CCDC171: variants seen among roughly 807,000 people sequenced by gnomAD.
CCDC171 encodes coiled-coil domain-containing protein 171.
In CCDC171, 177 loss-of-function variants were observed where a neutral mutation model predicts 168.2. The ratio of observed to expected loss-of-function variants is 1.05; its 90% CI spans 0.93 to 1.19. The LOEUF is 1.19. CCDC171 is among the 50% of genes most tolerant of loss of function. The pLI is 0.00. For missense variants in CCDC171, 1,991 were observed against 1,539.0 expected (o/e 1.29, Z -4.91); for synonymous variants, 687 against 540.8 (o/e 1.27, Z -3.75).
At chr9:15,563,922 A>G in intron 1 of CCDC171, 56 bp from the exon 2 acceptor site, 2 of 579,472 alleles carry the variant, frequency 3.5e-6, no homozygotes, top group Non-Finnish European at 6.1e-6. Flanking sequence ...AAACAAGAAA[A>G]ATCTCCAATA....
At chr9:15,837,728 C>A (rs1392708309) in intron 21 of CCDC171, among the ~76,000 whole-genome samples, 3 of 152,162 alleles carry the variant, frequency 2.0e-5, no homozygotes, top group Non-Finnish European at 4.4e-5. Flanking sequence ...GCTTCACTCT[C>A]TTTTTCTTTA....
chr9:15,561,290 G>A (rs1245275401), intron 1 of CCDC171, among the ~76,000 whole-genome samples: 5 of 152,152 alleles, frequency 3.3e-5, no homozygotes, highest in Non-Finnish European at 7.4e-5. Flanking sequence ...GATGACAGCA[G>A]GGAATGACTT....
chr9:15,755,760 G>C (rs1227635707), intron 18 of CCDC171, among the ~76,000 whole-genome samples: 1 of 152,188 alleles, frequency 6.6e-6, no homozygotes, highest in East Asian at 1.9e-4. Flanking sequence ...TCTAGAGATA[G>C]AAAGTAGATT....
intron 25 of CCDC171, among the ~76,000 whole-genome samples, chr9:15,955,361 T>C (rs1242411123): frequency 6.6e-6 from 1 of 152,034 alleles, no homozygotes; most frequent in African/African-American, 2.4e-5. Flanking sequence ...GAGGGGGAGT[T>C]GCAATGTGGG....
chr9:15,920,804 CAT>C (rs1336884009), intron 25 of CCDC171, among the ~76,000 whole-genome samples: 2 of 151,628 alleles, frequency 1.3e-5, no homozygotes, highest in African/African-American at 2.4e-5. Context: ...GTAATTAGAA[CAT>C]GTGATTATTC....
intron 3 of CCDC171, among the ~76,000 whole-genome samples, chr9:15,980,269 C>A (rs1191033614): frequency 6.6e-6 from 1 of 152,100 alleles, no homozygotes; most frequent in Non-Finnish European, 1.5e-5. Flanking sequence ...GAATAATCTG[C>A]CCCCGAATTC....
At chr9:15,946,752 A>G (rs1030135378) in intron 25 of CCDC171, among the ~76,000 whole-genome samples, 1 of 152,010 alleles carries the variant, frequency 6.6e-6, no homozygotes, top group African/African-American at 2.4e-5. Context: ...GAGGCATCAC[A>G]CTACCTGACT....
intron 4 of CCDC171, among the ~76,000 whole-genome samples, chr9:15,580,665 C>G (rs2041039060): frequency 6.6e-6 from 1 of 152,034 alleles, no homozygotes; most frequent in Non-Finnish European, 1.5e-5. Context: ...ACATGCAAGT[C>G]AAAAGCGCAA....
intron 21 of CCDC171, among the ~76,000 whole-genome samples, chr9:15,836,774 AG>A (rs1246727144): frequency 6.6e-6 from 1 of 152,234 alleles, no homozygotes. Context: ...TGATTTTGAC[AG>A]GACAGGGTAT....
chr9:15,767,891 A>C (rs1307067194), intron 18 of CCDC171, among the ~76,000 whole-genome samples: 4 of 56,630 alleles, frequency 7.1e-5, no homozygotes, highest in Admixed American at 2.6e-4. Flanking sequence ...TTTCTTAGCC[A>C]TTAAAAAAAT....
At chr9:15,865,310 T>A (rs1032449419) in intron 23 of CCDC171, among the ~76,000 whole-genome samples, 1 of 152,040 alleles carries the variant, frequency 6.6e-6, no homozygotes, top group Non-Finnish European at 1.5e-5. Context: ...TGTAGTAGCC[T>A]CTGGGGAAAC....
intron 21 of CCDC171, among the ~76,000 whole-genome samples, chr9:15,790,654 G>A (rs1312564424): frequency 6.6e-6 from 1 of 152,140 alleles, no homozygotes; most frequent in Non-Finnish European, 1.5e-5. Flanking sequence ...TGGTGTTTTA[G>A]ACATGAAGTC....
At chr9:15,616,731 A>T (rs572206941) in intron 6 of CCDC171, among the ~76,000 whole-genome samples, 2 of 152,338 alleles carry the variant, frequency 1.3e-5, no homozygotes, top group Admixed American at 6.5e-5. Context: ...ATAGAATAAT[A>T]GTCTTTTATA....
chr9:15,794,854 C>T (rs925910302), intron 21 of CCDC171, among the ~76,000 whole-genome samples: 2 of 152,158 alleles, frequency 1.3e-5, no homozygotes, highest in Admixed American at 1.3e-4. Flanking sequence ...TATATTGCTG[C>T]ACCCAGTTTC....
At chr9:15,596,843 C>T (rs960103188) in intron 6 of CCDC171, among the ~76,000 whole-genome samples, 6 of 151,868 alleles carry the variant, frequency 4.0e-5, no homozygotes, top group Admixed American at 1.3e-4. Flanking sequence ...TGTAGTTCTC[C>T]TTGAAGAGGT....
intron 4 of CCDC171, 101 bp from the exon 5 acceptor site, chr9:15,591,265 A>G (rs2041988673): frequency 1.5e-6 from 1 of 686,276 alleles, no homozygotes; most frequent in Non-Finnish European, 2.5e-6. Flanking sequence ...TTTTATCCTA[A>G]GATCATGCTG....
At chr9:16,084,960 C>T in the CCDC171 span, among the ~76,000 whole-genome samples, 2 of 152,208 alleles carry the variant, frequency 1.3e-5, no homozygotes, top group Non-Finnish European at 2.9e-5. Context: ...GTTTCATTTG[C>T]TATGAAATGA....
intron 3 of CCDC171, among the ~76,000 whole-genome samples, chr9:15,572,665 G>A (rs1211693144): frequency 6.6e-6 from 1 of 152,172 alleles, no homozygotes; most frequent in Admixed American, 6.5e-5. Flanking sequence ...GTCTCTCTAA[G>A]TGAAACTGGC....
chr9:15,755,956 A>C (rs1467962826), intron 18 of CCDC171, among the ~76,000 whole-genome samples: 5 of 152,214 alleles, frequency 3.3e-5, no homozygotes, highest in African/African-American at 1.2e-4. Flanking sequence ...TATGATGTTT[A>C]ATTATATCTC....
Sources: gnomAD v4.1 joint callset for allele counts (sites outside exome capture counted in the v4.1 genomes callset) on GRCh38, gnomAD v4.1.1 for gene constraint, MANE v1.5 for transcripts, NCBI Gene and HGNC (gene_info 2026-07-23, HGNC 2026-07-21) for gene names.